Variants in ANTXR1 observed in about 807,000 individuals in gnomAD.
ANTXR1 encodes anthrax toxin receptor 1.
Under a neutral mutation model 78.1 loss-of-function variants are expected in ANTXR1, and 19 were observed. The observed-to-expected ratio is 0.24, with a 90% CI of 0.17 to 0.36. The LOEUF is 0.36. Among genes scored for constraint, ANTXR1 ranks in the 10% least tolerant of loss-of-function variants. The pLI, the probability that ANTXR1 is intolerant of heterozygous loss-of-function variation, is 1.00. For missense variants in ANTXR1, 518 were observed against 718.6 expected (o/e 0.72, Z 3.19); for synonymous variants, 273 against 260.5 (o/e 1.05, Z -0.46).
At chr2:69,055,892 C>T (rs1670052847) in intron 3 of ANTXR1, among the ~76,000 whole-genome samples, 1 of 152,166 alleles carries the variant, frequency 6.6e-6, no homozygotes, top group Non-Finnish European at 1.5e-5. Context: ...ATTTGGGCTC[C>T]ACCACCATGT....
chr2:69,140,840 G>A lies in ANTXR1; in HGVS notation c.952-11329G>A, dbSNP rs145204170. Among the ~76,000 whole-genome samples, 1,124 of 152,256 alleles carry A rather than the reference G, an allele frequency of 7.4e-3. 17 individuals are homozygous for A. The highest frequency in any genetic ancestry group is 0.024 in the African/African-American group (1,000 of 41,540). Reference sequence around the variant, plus strand: ...TGCTTTTTAGAAAGAGTTCCACAAAGGTTTAGGTACCTAATACTTTTTCTA... The same window carrying A: ...TGCTTTTTAGAAAGAGTTCCACAAAAGTTTAGGTACCTAATACTTTTTCTA... On this transcript the variant is annotated intron_variant, in intron 12 of 17. Coordinates refer to ENST00000303714, the MANE Select transcript of ANTXR1 (RefSeq NM_032208.3).
intron 10 of ANTXR1, among the ~76,000 whole-genome samples, chr2:69,116,621 T>C (rs1416182315): frequency 2.0e-5 from 3 of 152,164 alleles, no homozygotes; most frequent in Non-Finnish European, 4.4e-5. Flanking sequence ...GGCGAGCTCA[T>C]TTCAGTCCCT....
chr2:69,161,865 G>A (rs191966149), intron 13 of ANTXR1, among the ~76,000 whole-genome samples: 2 of 152,110 alleles, frequency 1.3e-5, no homozygotes, highest in Admixed American at 6.5e-5. Flanking sequence ...AAAAGGCCAG[G>A]GGGGCAGCAG....
At chr2:69,120,426 G>A (rs1672307644) in intron 10 of ANTXR1, among the ~76,000 whole-genome samples, 1 of 152,210 alleles carries the variant, frequency 6.6e-6, no homozygotes, top group Admixed American at 6.5e-5. Context: ...AGCACTTTGG[G>A]AGGCCGAGGC....
intron 17 of ANTXR1, among the ~76,000 whole-genome samples, chr2:69,201,784 C>T: frequency 6.6e-6 from 1 of 152,154 alleles, no homozygotes; most frequent in East Asian, 1.9e-4. Flanking sequence ...AGGATGAGGA[C>T]AGCTTTGCGA....
Position 69,182,562 on chromosome 2 carries a change from A to G in ANTXR1, c.1255A>G (p.Lys419Glu). 6.2e-7 allele frequency: 1 copy of G among 1,614,252 alleles called. No individual in the cohort carries two copies. The highest frequency in any genetic ancestry group is 8.5e-7 in the Non-Finnish European group (1 of 1,180,048). ...GGAAAAGGCAAAGAATGCAAGAGTC[A>G]AGATGCCGGAGCAGGAATATGAATT... ...KLEKAKNARV[K>E]MPEQEYEFPE... The change falls in exon 16 of 18, where the codon AAG becomes GAG. Residue 419 changes from lysine (K) to glutamate (E), a missense_variant. Lys to Glu is a moderately conservative substitution (Grantham distance 56). Transcript: ENST00000303714.
intron 9 of ANTXR1, among the ~76,000 whole-genome samples, chr2:69,096,680 T>C (rs767482576): frequency 2.6e-5 from 4 of 152,218 alleles, no homozygotes; most frequent in Admixed American, 6.5e-5. Flanking sequence ...AACTTAAATT[T>C]ATTGCTAACA....
chr2:69,096,824 G>A (rs993549028), intron 9 of ANTXR1, among the ~76,000 whole-genome samples: 15 of 152,014 alleles, frequency 9.9e-5, no homozygotes, highest in African/African-American at 3.4e-4. Context: ...TAAAAGAAAC[G>A]TATACACTTT....
At chr2:69,053,525 C>A (rs1669987760) in intron 3 of ANTXR1, among the ~76,000 whole-genome samples, 1 of 152,124 alleles carries the variant, frequency 6.6e-6, no homozygotes, top group South Asian at 2.1e-4. Flanking sequence ...TGCAGAAATT[C>A]AAAGTTTCTG....
At chr2:69,145,396 C>A in intron 12 of ANTXR1, 1 of 1,586,060 alleles carries the variant, frequency 6.3e-7, no homozygotes, top group Non-Finnish European at 8.6e-7. Context: ...CCGCCTGCTC[C>A]CTCCGGACAG....
intron 12 of ANTXR1, among the ~76,000 whole-genome samples, chr2:69,138,986 A>G (rs561075577): frequency 5.9e-5 from 9 of 152,226 alleles, no homozygotes; most frequent in African/African-American, 9.6e-5. Context: ...GCCAAAGTAA[A>G]TATCTACAAA....
At chr2:69,145,212 T>C (rs1673188985) in intron 12 of ANTXR1, 1 of 1,055,736 alleles carries the variant, frequency 9.5e-7, no homozygotes, top group South Asian at 1.4e-5. Flanking sequence ...GGGGGGCTGA[T>C]TCGCTTAAAC....
chr2:69,163,685 G>A (rs192874378), intron 13 of ANTXR1, among the ~76,000 whole-genome samples: 33 of 152,276 alleles, frequency 2.2e-4, no homozygotes, highest in Admixed American at 1.5e-3. Context: ...AAAAGAACAC[G>A]CATTCAGGAG....
At chr2:69,231,355 G>C (rs1280576494) in intron 17 of ANTXR1, among the ~76,000 whole-genome samples, 3 of 152,006 alleles carry the variant, frequency 2.0e-5, no homozygotes, top group Non-Finnish European at 4.4e-5. Flanking sequence ...TAAAGTCCTA[G>C]TCCATCAGGC....
At chr2:69,059,927 A>G (rs1460477206) in intron 3 of ANTXR1, among the ~76,000 whole-genome samples, 1 of 152,242 alleles carries the variant, frequency 6.6e-6, no homozygotes, top group Non-Finnish European at 1.5e-5. Context: ...AGAAAACCAC[A>G]TGGTGAAATT....
intron 12 of ANTXR1, among the ~76,000 whole-genome samples, chr2:69,145,069 G>A (rs1211725682): frequency 6.6e-6 from 1 of 152,216 alleles, no homozygotes; most frequent in Non-Finnish European, 1.5e-5. Flanking sequence ...CTTTATTACT[G>A]TGAGTTGGAG....
chr2:69,239,000 CCA>C (rs1210724854), intron 17 of ANTXR1, among the ~76,000 whole-genome samples: 5 of 152,226 alleles, frequency 3.3e-5, no homozygotes, highest in Non-Finnish European at 7.4e-5. Flanking sequence ...CACAATCGGC[CCA>C]CACCTCTTCT....
Position 69,182,487 on chromosome 2 carries a change from T to C in ANTXR1, c.1186-6T>C. 1.2e-6 allele frequency: 2 copies of C among 1,614,182 alleles called. No homozygotes were observed. The highest frequency in any genetic ancestry group is 2.2e-5 in the East Asian group (1 of 44,884). ...ATTTCATTTCATTGTATTTTGTTTATTTTAGGTTCGTTGGGGAGAAAAGGG... is the reference window on the plus strand; with the variant it reads ...ATTTCATTTCATTGTATTTTGTTTACTTTAGGTTCGTTGGGGAGAAAAGGG... On this transcript the variant is annotated splice_region_variant and splice_polypyrimidine_tract_variant and intron_variant, in intron 15 of 17. Coordinates refer to ENST00000303714, the MANE Select transcript of ANTXR1 (RefSeq NM_032208.3).
At chr2:69,041,274 C>T (rs935382872) in intron 2 of ANTXR1, among the ~76,000 whole-genome samples, 2 of 152,174 alleles carry the variant, frequency 1.3e-5, no homozygotes, top group African/African-American at 4.8e-5. Context: ...CATTGTGTAA[C>T]TCTCTACTTG....
Sources: allele counts gnomAD v4.1 joint callset (sites outside exome capture counted in the v4.1 genomes callset), GRCh38; gene constraint gnomAD v4.1.1; transcripts MANE v1.5; gene names NCBI Gene and HGNC (gene_info 2026-07-23, HGNC 2026-07-21).